Variants in TMEM132B observed in about 807,000 individuals in gnomAD.
The protein encoded by TMEM132B is transmembrane protein 132B.
A neutral mutation model predicts 90.8 loss-of-function variants in TMEM132B; 18 were observed. The observed-to-expected ratio is 0.20, with a 90% confidence interval of 0.14 to 0.29. The LOEUF is 0.29. Among genes scored for constraint, TMEM132B ranks in the 10% least tolerant of loss-of-function variants. TMEM132B has a pLI of 1.00. For synonymous variants in TMEM132B, 504 were observed against 523.3 expected, an observed-to-expected ratio of 0.96 and a Z score of 0.50; for missense variants, 1,096 against 1,326.8, an observed-to-expected ratio of 0.83 and a Z score of 2.70.
At chr12:125,516,368 T>C (rs1308248510) in intron 3 of TMEM132B, among the ~76,000 whole-genome samples, 1 of 152,248 alleles carries the variant, frequency 6.6e-6, no homozygotes, top group African/African-American at 2.4e-5. Flanking sequence ...AAATTACCAG[T>C]TATGAACTCA....
chr12:125,471,829 A>T (rs1261879527), intron 3 of TMEM132B, among the ~76,000 whole-genome samples: 2 of 152,276 alleles, frequency 1.3e-5, no homozygotes, highest in African/African-American at 4.8e-5. Flanking sequence ...TCCCCTTGTC[A>T]CTGATGGGAA....
intron 4 of TMEM132B, among the ~76,000 whole-genome samples, chr12:125,547,617 G>T (rs1337597810): frequency 6.6e-6 from 1 of 152,094 alleles, no homozygotes; most frequent in South Asian, 2.1e-4. Flanking sequence ...GACTTAAACC[G>T]CAACATTTGC....
intron 1 of TMEM132B, among the ~76,000 whole-genome samples, chr12:125,280,326 T>G (rs1312069739): frequency 6.6e-6 from 1 of 152,226 alleles, no homozygotes; most frequent in Non-Finnish European, 1.5e-5. Context: ...AACTTCACTA[T>G]GTACTCCATA....
intron 4 of TMEM132B, among the ~76,000 whole-genome samples, chr12:125,537,758 T>TA (rs958164080): frequency 8.5e-5 from 13 of 152,196 alleles, no homozygotes; most frequent in African/African-American, 3.1e-4. Flanking sequence ...AAAGCTCCTC[T>TA]AAAGCACAGA....
intron 1 of TMEM132B, among the ~76,000 whole-genome samples, chr12:125,342,971 T>C (rs1877235573): frequency 6.6e-6 from 1 of 152,212 alleles, no homozygotes; most frequent in Admixed American, 6.5e-5. Context: ...TAGTCAAGTA[T>C]TTGCTACCTT....
At chr12:125,338,993 G>A (rs1038074494) in intron 1 of TMEM132B, among the ~76,000 whole-genome samples, 2 of 152,114 alleles carry the variant, frequency 1.3e-5, no homozygotes, top group Non-Finnish European at 2.9e-5. Context: ...TTGAAAATAC[G>A]TAGAAAAATA....
intron 3 of TMEM132B, among the ~76,000 whole-genome samples, chr12:125,416,857 C>T (rs724346): frequency 0.23 from 34,228 of 152,100 alleles, 3,904 homozygotes; most frequent in Middle Eastern, 0.27. Context: ...CCATGGTTTC[C>T]CTGCAGATTT....
chr12:125,400,948 A>G (rs1277829700), intron 2 of TMEM132B, among the ~76,000 whole-genome samples: 1 of 152,154 alleles, frequency 6.6e-6, no homozygotes, highest in East Asian at 1.9e-4. Context: ...TTGTTTAAAA[A>G]CACAGCACTA....
At chr12:125,540,130 T>C (rs985700325) in intron 4 of TMEM132B, among the ~76,000 whole-genome samples, 7 of 152,254 alleles carry the variant, frequency 4.6e-5, no homozygotes, top group African/African-American at 7.2e-5. Context: ...TTTCCAGATA[T>C]CTTTCTATTA....
intron 4 of TMEM132B, among the ~76,000 whole-genome samples, chr12:125,578,541 T>C (rs1258079636): frequency 6.6e-6 from 1 of 152,110 alleles, no homozygotes; most frequent in Non-Finnish European, 1.5e-5. Flanking sequence ...TGGTGCTCTC[T>C]ATACCTTCAT....
intron 1 of TMEM132B, among the ~76,000 whole-genome samples, chr12:125,317,205 T>G (rs11058137): frequency 0.49 from 74,328 of 151,960 alleles, 18,299 homozygotes; most frequent in South Asian, 0.61. Flanking sequence ...TGGAGCTGAT[T>G]GTAGTACCTG....
intron 4 of TMEM132B, among the ~76,000 whole-genome samples, chr12:125,540,823 T>A (rs924932471): frequency 6.6e-6 from 1 of 152,232 alleles, no homozygotes; most frequent in Non-Finnish European, 1.5e-5. Context: ...CTTCTCTCAC[T>A]TAGAAAAACG....
intron 4 of TMEM132B, among the ~76,000 whole-genome samples, chr12:125,571,719 T>G (rs1019350878): frequency 6.6e-6 from 1 of 152,182 alleles, no homozygotes; most frequent in Non-Finnish European, 1.5e-5. Context: ...AAAGACACAT[T>G]GTTGTTATTT....
chr12:125,364,379 T>C (rs1878060238), intron 2 of TMEM132B, among the ~76,000 whole-genome samples: 2 of 152,350 alleles, frequency 1.3e-5, no homozygotes, highest in African/African-American at 4.8e-5. Flanking sequence ...ACCACTTAGA[T>C]TCTACCATTA....
intron 3 of TMEM132B, among the ~76,000 whole-genome samples, chr12:125,433,021 C>T (rs1281073918): frequency 2.0e-5 from 3 of 152,202 alleles, no homozygotes; most frequent in African/African-American, 4.8e-5. Context: ...CCTTAAGCAG[C>T]ACCTGCATCT....
chr12:125,411,354 C>G (rs898746850), intron 2 of TMEM132B, among the ~76,000 whole-genome samples: 17 of 107,820 alleles, frequency 1.6e-4, no homozygotes, highest in Admixed American at 1.5e-3. Flanking sequence ...ACACTGGGGC[C>G]TGTCAGAGGG....
At chr12:125,535,757 A>G (rs1051327367) in intron 4 of TMEM132B, among the ~76,000 whole-genome samples, 1 of 152,228 alleles carries the variant, frequency 6.6e-6, no homozygotes, top group African/African-American at 2.4e-5. Context: ...CATTTTCTCC[A>G]GAACCACCTT....
intron 3 of TMEM132B, among the ~76,000 whole-genome samples, chr12:125,434,568 C>A (rs921912956): frequency 7.9e-5 from 12 of 152,266 alleles, no homozygotes; most frequent in African/African-American, 2.4e-4. Flanking sequence ...GCCTCAGTGG[C>A]CGCCCTGGCA....
chr12:125,423,920 C>G (rs118149341), intron 3 of TMEM132B, among the ~76,000 whole-genome samples: 2 of 152,134 alleles, frequency 1.3e-5, no homozygotes, highest in Non-Finnish European at 2.9e-5. Context: ...TGATTATTAT[C>G]AAGCCCTTTA....
Sources: gnomAD v4.1 joint callset for allele counts (sites outside exome capture counted in the v4.1 genomes callset) on GRCh38, gnomAD v4.1.1 for gene constraint, MANE v1.5 for transcripts, NCBI Gene and HGNC (gene_info 2026-07-23, HGNC 2026-07-21) for gene names.